The following FAM171A1 variants were observed in gnomAD, a reference collection of about 807,000 sequenced individuals.
FAM171A1 encodes the protein protein FAM171A1.
FAM171A1 carries 23 observed loss-of-function variants against 74.9 expected under a neutral mutation model. That is an observed-to-expected ratio of 0.31 (90% CI 0.22 to 0.44). The LOEUF is 0.44. FAM171A1 is among the 20% of genes least tolerant of loss of function. FAM171A1 has a pLI of 1.00. For synonymous variants in FAM171A1, 527 were observed against 505.7 expected (o/e 1.04, Z -0.57); for missense variants, 1,162 against 1,159.2 (o/e 1.00, Z -0.03).
intron 3 of FAM171A1, among the ~76,000 whole-genome samples, chr10:15,269,621 G>A (rs1454333631): frequency 2.6e-5 from 4 of 152,176 alleles, no homozygotes; most frequent in Admixed American, 6.5e-5. Context: ...GGGCAAGAGA[G>A]AGGATAAAGC....
chr10:15,365,087 A>G (rs546140414), intron 1 of FAM171A1, among the ~76,000 whole-genome samples: 3 of 152,270 alleles, frequency 2.0e-5, no homozygotes, highest in Admixed American at 2.0e-4. Flanking sequence ...AGAGAGCACA[A>G]TTACCTTAGG....
chr10:15,291,401 A>T (rs1835100553), intron 1 of FAM171A1, among the ~76,000 whole-genome samples: 1 of 152,246 alleles, frequency 6.6e-6, no homozygotes, highest in Admixed American at 6.5e-5. Context: ...AATTAATTTA[A>T]AAATCGAGCT....
chr10:15,286,429 C>T (rs550963364), intron 1 of FAM171A1, among the ~76,000 whole-genome samples: 64 of 152,080 alleles, frequency 4.2e-4, no homozygotes, highest in Admixed American at 2.2e-3. Context: ...TACAGGTGCC[C>T]GCCACGATGC....
Position 15,213,498 on chromosome 10 carries a change from C to A in FAM171A1, c.2090G>T (p.Gly697Val). The A allele has an allele frequency of 6.2e-7, 1 of 1,614,126 alleles. No individual in the cohort carries two copies. Among genetic ancestry groups the A allele is most frequent in the Non-Finnish European group, 8.5e-7 (1 of 1,180,036 alleles). Residue 697 changes from glycine to valine, a missense_variant, in exon 8 of 8, where the codon GGG (glycine) becomes GTG (valine). Coordinates refer to ENST00000378116, the MANE Select transcript of FAM171A1 (RefSeq NM_001010924.2). This position sits in a 1 kb window ranked among gnomAD's most constrained non-coding sequence, Gnocchi z 6.8. The stretch of plus-strand genomic sequence containing the variant: ...GGGGTGCGGAAGCGGCTTCCCACCC[C>A]CAAGCTCCATCAGGGCCTTTTCAGT... ...LLTEKALMEL[G>V]GGKPLPHPRA...
intron 1 of FAM171A1, among the ~76,000 whole-genome samples, chr10:15,336,364 T>G (rs1835699935): frequency 6.6e-6 from 1 of 151,574 alleles, no homozygotes; most frequent in African/African-American, 2.4e-5. Flanking sequence ...TCATATACAA[T>G]ATATTTGCCC....
At chr10:15,216,878 G>A (rs1002333490) in intron 6 of FAM171A1, among the ~76,000 whole-genome samples, 3 of 149,926 alleles carry the variant, frequency 2.0e-5, no homozygotes, top group Admixed American at 6.6e-5. Context: ...CGCTTTTCCC[G>A]GGCAGTCAAT....
At chr10:15,254,595 A>G in intron 4 of FAM171A1, 126 bp downstream of exon 4, 1 of 1,033,296 alleles carries the variant, frequency 9.7e-7, no homozygotes, top group Non-Finnish European at 1.4e-6. Flanking sequence ...TGTACCAAGA[A>G]TTCCCCTTCT....
intron 1 of FAM171A1, among the ~76,000 whole-genome samples, chr10:15,303,373 G>A (rs538712846): frequency 3.9e-5 from 6 of 152,282 alleles, no homozygotes; most frequent in South Asian, 4.1e-4. Context: ...GCGCAGCACC[G>A]TTCCTGGTGA....
intron 1 of FAM171A1, among the ~76,000 whole-genome samples, chr10:15,306,934 C>T (rs1835302901): frequency 1.3e-5 from 2 of 152,178 alleles, no homozygotes; most frequent in South Asian, 2.1e-4. Flanking sequence ...CACGGCTTTC[C>T]ATCACGCCAT....
chr10:15,273,074 A>G (rs936335384), intron 3 of FAM171A1, among the ~76,000 whole-genome samples: 1 of 152,144 alleles, frequency 6.6e-6, no homozygotes, highest in Non-Finnish European at 1.5e-5. Flanking sequence ...AGACACAAAA[A>G]ACCCTTCAAA....
chr10:15,237,069 A>C (rs1165388381), intron 5 of FAM171A1, among the ~76,000 whole-genome samples: 1 of 152,222 alleles, frequency 6.6e-6, no homozygotes, highest in African/African-American at 2.4e-5. Context: ...GCCAAATAGC[A>C]GCAAACTAAG....
At chr10:15,288,049 A>C (rs1488812094) in intron 1 of FAM171A1, among the ~76,000 whole-genome samples, 1 of 152,194 alleles carries the variant, frequency 6.6e-6, no homozygotes, top group Non-Finnish European at 1.5e-5. Context: ...CTTCACTTAG[A>C]ATAATGGTCT....
intron 1 of FAM171A1, among the ~76,000 whole-genome samples, chr10:15,312,103 C>T (rs1036086650): frequency 2.6e-5 from 4 of 152,256 alleles, no homozygotes; most frequent in South Asian, 4.1e-4. Context: ...TTCTAAATCT[C>T]GTGCACTTCC....
chr10:15,319,416 C>A (rs10796277), intron 1 of FAM171A1, among the ~76,000 whole-genome samples: 115,659 of 152,100 alleles, frequency 0.76, 44,111 homozygotes, highest in East Asian at 0.92. Flanking sequence ...AAAGAAAGAA[C>A]AATAGTCCAG....
At chr10:15,282,941 C>G (rs191625858) in intron 2 of FAM171A1, among the ~76,000 whole-genome samples, 140 of 152,354 alleles carry the variant, frequency 9.2e-4, no homozygotes, top group Non-Finnish European at 1.5e-3. Context: ...AACTAAACCT[C>G]TAGCCCAGAT....
At chr10:15,370,592 T>C (rs976124386) in intron 1 of FAM171A1, among the ~76,000 whole-genome samples, 5 of 151,958 alleles carry the variant, frequency 3.3e-5, no homozygotes, top group African/African-American at 9.6e-5. Flanking sequence ...GCGGCCCCTC[T>C]GTCCGCGGCG....
chr10:15,248,233 CT>C (rs1834459870), intron 5 of FAM171A1, among the ~76,000 whole-genome samples: 2 of 151,646 alleles, frequency 1.3e-5, no homozygotes, highest in Non-Finnish European at 1.5e-5. Context: ...TTTTTATTTT[CT>C]TTGTTTTGTA....
chr10:15,361,783 C>A (rs982026537), intron 1 of FAM171A1, among the ~76,000 whole-genome samples: 1 of 152,168 alleles, frequency 6.6e-6, no homozygotes, highest in African/African-American at 2.4e-5. Context: ...GCCAAAATGA[C>A]ATTAAAACTC....
chr10:15,268,104 G>C (rs1401814754), intron 3 of FAM171A1, among the ~76,000 whole-genome samples: 1 of 152,158 alleles, frequency 6.6e-6, no homozygotes. Flanking sequence ...AAATGCTGTA[G>C]CCTCGTCCCT....
Sources: gnomAD v4.1 joint callset for allele counts (sites outside exome capture counted in the v4.1 genomes callset) on GRCh38, gnomAD v4.1.1 for gene constraint, Gnocchi (gnomAD v3.1) non-coding constraint, MANE v1.5 for transcripts, NCBI Gene and HGNC (gene_info 2026-07-23, HGNC 2026-07-21) for gene names.